The following FUT9 variants were observed in gnomAD, a reference collection of about 807,000 sequenced individuals.
FUT9 encodes the protein 4-galactosyl-N-acetylglucosaminide 3-alpha-L-fucosyltransferase 9.
FUT9 carries 15 observed loss-of-function variants against 29.7 expected under a neutral mutation model. That is an observed-to-expected ratio of 0.51 (90% CI 0.34 to 0.78). The LOEUF is 0.78. Among genes scored for constraint, FUT9 ranks in the 30% least tolerant of loss-of-function variants. FUT9 has a pLI of 0.01. For synonymous variants in FUT9, 169 were observed against 153.7 expected (o/e 1.10, Z -0.74); for missense variants, 319 against 425.4 (o/e 0.75, Z 2.20).
chr6:96,185,377 A>G (rs1773387214), intron 2 of FUT9, among the ~76,000 whole-genome samples: 1 of 152,108 alleles, frequency 6.6e-6, no homozygotes, highest in African/African-American at 2.4e-5. Context: ...ATAGTAATTG[A>G]CTAGATGTAG....
At chr6:96,054,774 T>G (rs1431568886) in intron 1 of FUT9, among the ~76,000 whole-genome samples, 1 of 152,188 alleles carries the variant, frequency 6.6e-6, no homozygotes. Context: ...GTACTTCATA[T>G]GTCTGAAAGA....
chr6:96,165,245 A>C (rs981787198), intron 2 of FUT9, among the ~76,000 whole-genome samples: 14 of 151,928 alleles, frequency 9.2e-5, no homozygotes, highest in African/African-American at 3.1e-4. Flanking sequence ...CAGCCTGACA[A>C]ACATGGAGAA....
chr6:96,133,669 T>C (rs967001379), intron 2 of FUT9, among the ~76,000 whole-genome samples: 1 of 151,916 alleles, frequency 6.6e-6, no homozygotes, highest in African/African-American at 2.4e-5. Flanking sequence ...GGAATAAATT[T>C]TCAGTAATTG....
At chr6:96,065,323 C>A (rs1202502165) in intron 1 of FUT9, among the ~76,000 whole-genome samples, 1 of 152,148 alleles carries the variant, frequency 6.6e-6, no homozygotes, top group African/African-American at 2.4e-5. Flanking sequence ...GCCATACAAA[C>A]AATGCTCTCT....
intron 1 of FUT9, among the ~76,000 whole-genome samples, chr6:96,056,191 T>G (rs974542256): frequency 6.6e-6 from 1 of 152,220 alleles, no homozygotes; most frequent in East Asian, 1.9e-4. Context: ...GCTTTCTGCC[T>G]TGGACTCTAT....
intron 1 of FUT9, among the ~76,000 whole-genome samples, chr6:96,037,761 C>T (rs1408685222): frequency 6.6e-6 from 1 of 152,046 alleles, no homozygotes; most frequent in African/African-American, 2.4e-5. Flanking sequence ...TAAACAATAT[C>T]ATATTTTCAT....
At position 96,069,820 on chromosome 6, in the gene FUT9, A is replaced by G. The variant is rs568394659; in HGVS notation, c.-97-44219A>G. On this transcript the variant is annotated intron_variant, in intron 1 of 2. Coordinates refer to ENST00000302103, the MANE Select transcript of FUT9 (RefSeq NM_006581.4). ...TAATTTTTTTGTATTTTTAGTAGAG[A>G]TGGGGTTTCGCCGTGTTAGCCAGGA... Among the ~76,000 whole-genome samples, 364 of 151,976 alleles carry G rather than the reference A, an allele frequency of 2.4e-3. 1 individual carries two copies. The highest frequency in any genetic ancestry group is 8.6e-3 in the African/African-American group (356 of 41,474).
At chr6:96,146,339 A>G (rs1156949344) in intron 2 of FUT9, among the ~76,000 whole-genome samples, 3 of 152,188 alleles carry the variant, frequency 2.0e-5, no homozygotes, top group South Asian at 2.1e-4. Flanking sequence ...CTACTTTATA[A>G]TTTAGTACAC....
At chr6:96,191,697 T>C (rs545614202) in intron 2 of FUT9, among the ~76,000 whole-genome samples, 1 of 152,146 alleles carries the variant, frequency 6.6e-6, no homozygotes, top group African/African-American at 2.4e-5. Context: ...TTCCAATCAA[T>C]AGAAAAAGAG....
intron 2 of FUT9, among the ~76,000 whole-genome samples, chr6:96,169,032 G>T (rs1045954311): frequency 4.6e-5 from 7 of 152,166 alleles, no homozygotes; most frequent in Admixed American, 3.3e-4. Context: ...AAAGTGGGTT[G>T]ACGTTCTGTT....
chr6:96,182,019 G>T (rs965622046), intron 2 of FUT9, among the ~76,000 whole-genome samples: 4 of 152,058 alleles, frequency 2.6e-5, no homozygotes, highest in Non-Finnish European at 4.4e-5. Flanking sequence ...TGCCATAGTG[G>T]TTGTACTAGT....
chr6:96,032,068 G>A (rs1200113375), intron 1 of FUT9, among the ~76,000 whole-genome samples: 4 of 151,492 alleles, frequency 2.6e-5, no homozygotes, highest in East Asian at 3.9e-4. Flanking sequence ...CCTATGTTAT[G>A]TTTTCAGTTT....
At chr6:96,129,537 C>G (rs1184062200) in intron 2 of FUT9, among the ~76,000 whole-genome samples, 1 of 151,854 alleles carries the variant, frequency 6.6e-6, no homozygotes, top group Non-Finnish European at 1.5e-5. Context: ...ACAGAAGAGT[C>G]TCAATTTTCT....
chr6:96,074,465 A>G (rs2127948564), intron 1 of FUT9, among the ~76,000 whole-genome samples: 1 of 152,256 alleles, frequency 6.6e-6, no homozygotes, highest in Admixed American at 6.5e-5. Flanking sequence ...TTTGTTTAAT[A>G]ATAAGGCTCT....
At chr6:96,051,788 G>T (rs949465595) in intron 1 of FUT9, among the ~76,000 whole-genome samples, 2 of 151,780 alleles carry the variant, frequency 1.3e-5, no homozygotes, top group East Asian at 1.9e-4. Flanking sequence ...TTAAATACAT[G>T]AGTAAATATA....
At chr6:96,185,256 G>A (rs572215244) in intron 2 of FUT9, among the ~76,000 whole-genome samples, 2 of 151,976 alleles carry the variant, frequency 1.3e-5, no homozygotes, top group African/African-American at 4.8e-5. Context: ...AATAGTGAAT[G>A]CTTCATTATA....
At chr6:96,164,062 T>A (rs1170626796) in intron 2 of FUT9, among the ~76,000 whole-genome samples, 2 of 152,108 alleles carry the variant, frequency 1.3e-5, no homozygotes, top group African/African-American at 4.8e-5. Flanking sequence ...TCAATACATG[T>A]AAAATGTGCT....
At chr6:96,169,994 A>G (rs1201878669) in intron 2 of FUT9, among the ~76,000 whole-genome samples, 1 of 152,136 alleles carries the variant, frequency 6.6e-6, no homozygotes, top group Non-Finnish European at 1.5e-5. Flanking sequence ...AATAAAACCA[A>G]CCCTGAAAAC....
chr6:96,198,520 T>A (rs1472410888), intron 2 of FUT9, among the ~76,000 whole-genome samples: 5 of 152,036 alleles, frequency 3.3e-5, no homozygotes, highest in African/African-American at 9.7e-5. Context: ...TCTATCATTG[T>A]TGGACATTTG....
Sources: gnomAD v4.1 joint callset for allele counts (sites outside exome capture counted in the v4.1 genomes callset) on GRCh38, gnomAD v4.1.1 for gene constraint, MANE v1.5 for transcripts, NCBI Gene and HGNC (gene_info 2026-07-23, HGNC 2026-07-21) for gene names.